The following SCHIP1 variants were observed in gnomAD, a reference collection of about 807,000 sequenced individuals.
SCHIP1 encodes schwannomin-interacting protein 1.
In SCHIP1, 8 loss-of-function variants were observed where a neutral mutation model predicts 29.7. The ratio of observed to expected loss-of-function variants is 0.27; its 90% confidence interval spans 0.16 to 0.49. The LOEUF is 0.49. SCHIP1 is among the 20% of genes least tolerant of loss of function. The pLI is 0.99. For synonymous variants in SCHIP1, 76 were observed against 94.9 expected (o/e 0.80, Z 1.16); for missense variants, 193 against 294.6 (o/e 0.66, Z 2.52).
the SCHIP1 span, among the ~76,000 whole-genome samples, chr3:159,752,362 T>C: frequency 1.3e-5 from 2 of 152,174 alleles, no homozygotes; most frequent in African/African-American, 4.8e-5. Context: ...CATATAACCA[T>C]TTAATTTTTT....
chr3:159,460,373 T>C, the SCHIP1 span, among the ~76,000 whole-genome samples: 283 of 152,298 alleles, frequency 1.9e-3, 1 homozygote, highest in East Asian at 0.025. Context: ...GAGCATAGCA[T>C]GGAGATAACC....
the SCHIP1 span, among the ~76,000 whole-genome samples, chr3:159,590,819 C>A: frequency 6.6e-6 from 1 of 152,146 alleles, no homozygotes; most frequent in Non-Finnish European, 1.5e-5. Context: ...TTATTGTCCT[C>A]TGTGTTTACA....
chr3:159,764,035 C>A, the SCHIP1 span: 4 of 161,338 alleles, frequency 2.5e-5, no homozygotes, highest in South Asian at 2.0e-4. This position sits in a 1 kb window ranked among gnomAD's most constrained non-coding sequence, Gnocchi z 6.1. Context: ...CCGCCCACCC[C>A]CTTCTCAGTT....
At chr3:159,635,664 T>C in the SCHIP1 span, among the ~76,000 whole-genome samples, 1 of 152,190 alleles carries the variant, frequency 6.6e-6, no homozygotes, top group African/African-American at 2.4e-5. Flanking sequence ...TGAGTCTAGC[T>C]TCCTTACTCT....
At chr3:159,287,510 A>G in the SCHIP1 span, among the ~76,000 whole-genome samples, 1 of 151,968 alleles carries the variant, frequency 6.6e-6, no homozygotes, top group Non-Finnish European at 1.5e-5. Flanking sequence ...ATGAATATAT[A>G]GTTTTTATTT....
At chr3:159,712,377 T>C in the SCHIP1 span, among the ~76,000 whole-genome samples, 23 of 152,206 alleles carry the variant, frequency 1.5e-4, no homozygotes, top group African/African-American at 5.6e-4. Flanking sequence ...TAATTCAATT[T>C]TTAAAAAATT....
the SCHIP1 span, among the ~76,000 whole-genome samples, chr3:159,825,009 TTC>T: frequency 6.6e-6 from 1 of 152,246 alleles, no homozygotes; most frequent in South Asian, 2.1e-4. Context: ...TTGCCTTCTA[TTC>T]TCTGATTAGA....
the SCHIP1 span, chr3:159,401,224 C>T: frequency 1.1e-6 from 1 of 920,872 alleles, no homozygotes; most frequent in African/African-American, 1.8e-5. Flanking sequence ...GTGAACTGAC[C>T]ATTATTCCAC....
the SCHIP1 span, among the ~76,000 whole-genome samples, chr3:159,612,262 A>G: frequency 6.6e-6 from 1 of 152,262 alleles, no homozygotes; most frequent in African/African-American, 2.4e-5. Context: ...ATTTAAACGA[A>G]AAGAATTGAT....
the SCHIP1 span, among the ~76,000 whole-genome samples, chr3:159,449,392 C>CT: frequency 2.6e-5 from 4 of 152,066 alleles, no homozygotes; most frequent in Non-Finnish European, 5.9e-5. Flanking sequence ...TGCCCTCCTC[C>CT]TTTTTTATTA....
chr3:159,360,659 G>C, the SCHIP1 span, among the ~76,000 whole-genome samples: 1 of 152,128 alleles, frequency 6.6e-6, no homozygotes, highest in Non-Finnish European at 1.5e-5. Context: ...GATTAGTTTT[G>C]GCCAACCATA....
At chr3:159,822,587 C>G in the SCHIP1 span, among the ~76,000 whole-genome samples, 1 of 149,796 alleles carries the variant, frequency 6.7e-6, no homozygotes, top group Non-Finnish European at 1.5e-5. Flanking sequence ...CAGGGACCAT[C>G]TAACAGACAT....
At chr3:159,308,529 T>C in the SCHIP1 span, among the ~76,000 whole-genome samples, 1 of 152,090 alleles carries the variant, frequency 6.6e-6, no homozygotes, top group Non-Finnish European at 1.5e-5. Flanking sequence ...CTGGTAAGAC[T>C]ATGGAGAAAA....
At chr3:159,311,851 T>A in the SCHIP1 span, among the ~76,000 whole-genome samples, 1 of 152,152 alleles carries the variant, frequency 6.6e-6, no homozygotes, top group African/African-American at 2.4e-5. Flanking sequence ...AAGAAGGAGA[T>A]AAGGTGGCTT....
At chr3:159,610,122 C>T in the SCHIP1 span, among the ~76,000 whole-genome samples, 1 of 152,158 alleles carries the variant, frequency 6.6e-6, no homozygotes, top group Non-Finnish European at 1.5e-5. Context: ...TAGAAATGCT[C>T]AGGGTCTCAC....
chr3:159,551,131 G>T, the SCHIP1 span, among the ~76,000 whole-genome samples: 2 of 152,152 alleles, frequency 1.3e-5, no homozygotes, highest in South Asian at 4.2e-4. Context: ...CATTTTTCTG[G>T]GGAGAGGTTC....
At chr3:159,824,543 A>C in the SCHIP1 span, among the ~76,000 whole-genome samples, 138 of 152,360 alleles carry the variant, frequency 9.1e-4, 3 homozygotes, top group Admixed American at 1.9e-3. Flanking sequence ...AAGAGTCCAC[A>C]CGGGCTTTCT....
At chr3:159,505,415 T>TG in the SCHIP1 span, among the ~76,000 whole-genome samples, 22 of 152,172 alleles carry the variant, frequency 1.4e-4, no homozygotes, top group African/African-American at 4.6e-4. Flanking sequence ...AGAACAAGGT[T>TG]GGGGGACATG....
chr3:159,887,990 A>C, intron 4 of SCHIP1, 85 bp downstream of exon 5: 7 of 1,537,546 alleles, frequency 4.6e-6, no homozygotes, highest in Non-Finnish European at 6.2e-6. Context: ...AGAATTATGC[A>C]AACTTGTGTT....
Sources: gnomAD v4.1 joint callset for allele counts (sites outside exome capture counted in the v4.1 genomes callset) on GRCh38, gnomAD v4.1.1 for gene constraint, Gnocchi (gnomAD v3.1) non-coding constraint, MANE v1.5 for transcripts, NCBI Gene and HGNC (gene_info 2026-07-23, HGNC 2026-07-21) for gene names.